SORCS3: variants seen among roughly 807,000 people sequenced by gnomAD.
SORCS3 encodes VPS10 domain-containing receptor SorCS3.
In SORCS3, 57 loss-of-function variants were observed where a neutral mutation model predicts 146.3. The ratio of observed to expected loss-of-function variants is 0.39; its 90% CI spans 0.31 to 0.49. SORCS3 has a LOEUF of 0.49. Among genes scored for constraint, SORCS3 ranks in the 20% least tolerant of loss-of-function variants. The probability of loss-of-function intolerance (pLI) is 0.92; values close to 1 mark genes in which losing one functional copy is unlikely to be tolerated. For synonymous variants in SORCS3, 653 were observed against 618.5 expected (o/e 1.06, Z -0.83); for missense variants, 1,341 against 1,575.5 (o/e 0.85, Z 2.52).
At chr10:104,965,777 C>T (rs1474832227) in intron 3 of SORCS3, among the ~76,000 whole-genome samples, 2 of 151,824 alleles carry the variant, frequency 1.3e-5, no homozygotes, top group Non-Finnish European at 2.9e-5. Context: ...GGATTGTTTT[C>T]TTGTTATTTT....
intron 5 of SORCS3, among the ~76,000 whole-genome samples, chr10:105,063,445 A>G (rs2055501147): frequency 6.6e-6 from 1 of 152,190 alleles, no homozygotes; most frequent in Non-Finnish European, 1.5e-5. Context: ...TGTTACTAAT[A>G]ATTATTTATT....
chr10:104,720,470 T>A (rs1187553678), intron 1 of SORCS3, among the ~76,000 whole-genome samples: 2 of 152,256 alleles, frequency 1.3e-5, no homozygotes, highest in East Asian at 3.8e-4. Context: ...AGCATGTTTA[T>A]AATCCTTTGG....
intron 1 of SORCS3, among the ~76,000 whole-genome samples, chr10:104,797,853 A>G (rs1360352673): frequency 6.6e-6 from 1 of 152,208 alleles, no homozygotes; most frequent in African/African-American, 2.4e-5. Flanking sequence ...GAAAAAAAGT[A>G]TCTTGGGTGC....
intron 2 of SORCS3, among the ~76,000 whole-genome samples, chr10:104,915,231 C>G (rs1432542399): frequency 6.6e-6 from 1 of 152,136 alleles, no homozygotes; most frequent in African/African-American, 2.4e-5. Flanking sequence ...GTGCCATAGG[C>G]TTTTCACCCT....
chr10:105,039,945 CA>C (rs1477076818), intron 4 of SORCS3, among the ~76,000 whole-genome samples: 9 of 152,088 alleles, frequency 5.9e-5, no homozygotes, highest in Admixed American at 5.9e-4. Context: ...GTGTTTGCAG[CA>C]GAGGAAGACA....
At chr10:105,078,528 A>G (rs573102962) in intron 5 of SORCS3, among the ~76,000 whole-genome samples, 6 of 152,198 alleles carry the variant, frequency 3.9e-5, no homozygotes, top group Non-Finnish European at 7.3e-5. Flanking sequence ...AAAAAAGAAA[A>G]AAAGATTATA....
chr10:105,158,212 CTCTT>C (rs893225950), intron 10 of SORCS3, among the ~76,000 whole-genome samples: 18 of 151,674 alleles, frequency 1.2e-4, no homozygotes, highest in African/African-American at 4.4e-4. Context: ...ATCTGATTTT[CTCTT>C]TCTTTCTATT....
intron 4 of SORCS3, among the ~76,000 whole-genome samples, chr10:105,033,893 C>T (rs1040410021): frequency 3.9e-5 from 6 of 151,946 alleles, no homozygotes; most frequent in East Asian, 1.9e-4. Context: ...TTTACAAATT[C>T]GGAAAAGGAA....
chr10:105,024,496 G>A (rs886914125), intron 4 of SORCS3, among the ~76,000 whole-genome samples: 3 of 152,140 alleles, frequency 2.0e-5, no homozygotes, highest in Non-Finnish European at 2.9e-5. Context: ...GATTTCATGG[G>A]AACCCACAGC....
chr10:104,646,848 C>T (rs552650405), intron 1 of SORCS3, among the ~76,000 whole-genome samples: 5 of 152,096 alleles, frequency 3.3e-5, no homozygotes, highest in South Asian at 2.1e-4. Flanking sequence ...TGGGATGGAT[C>T]GAATTTGGCT....
chr10:105,031,351 ACACACACACAC>A (rs2055266370), intron 4 of SORCS3, among the ~76,000 whole-genome samples: 1 of 151,798 alleles, frequency 6.6e-6, no homozygotes, highest in African/African-American at 2.4e-5. Flanking sequence ...ACACACACAC[ACACACACACAC>A]AAAAACATGT....
At chr10:104,961,270 G>T (rs1484435430) in intron 3 of SORCS3, among the ~76,000 whole-genome samples, 1 of 152,076 alleles carries the variant, frequency 6.6e-6, no homozygotes, top group African/African-American at 2.4e-5. Context: ...AAACACACCT[G>T]GTTATGTATC....
intron 4 of SORCS3, among the ~76,000 whole-genome samples, chr10:104,983,639 A>T (rs1282420469): frequency 6.6e-6 from 1 of 152,000 alleles, no homozygotes; most frequent in Non-Finnish European, 1.5e-5. Context: ...CCTTGTCTTT[A>T]TGTACGTGCT....
At position 105,158,974 on chromosome 10, in the gene SORCS3, C is replaced by T. The variant is rs1282124453; in HGVS notation, c.1712C>T (p.Pro571Leu). 2 of 1,612,292 alleles carry T rather than the reference C, an allele frequency of 1.2e-6. No homozygotes were observed. The highest frequency in any genetic ancestry group is 1.3e-5 in the African/African-American group (1 of 74,882). The part of the protein sequence containing the change: ...SGRISSKETA[P>L]GLVVATGNIG... ...AGAATCTCTAGCAAGGAGACAGCCCCAGGACTTGTGGTGGCTACAGGTAAG... is the reference window on the plus strand; with the variant it reads ...AGAATCTCTAGCAAGGAGACAGCCCTAGGACTTGTGGTGGCTACAGGTAAG... The change falls in exon 11 of 27, where the codon CCA (proline) becomes CTA (leucine). Residue 571 changes from proline to leucine, a missense_variant. Transcript: ENST00000369701.
intron 22 of SORCS3, among the ~76,000 whole-genome samples, chr10:105,248,800 C>A (rs902643480): frequency 6.6e-6 from 1 of 151,504 alleles, no homozygotes; most frequent in South Asian, 2.1e-4. Flanking sequence ...AGGGCAAGTG[C>A]AGCTAAAATT....
At chr10:104,697,249 ATCCGTGATACCAT>A (rs1237158886) in intron 1 of SORCS3, among the ~76,000 whole-genome samples, 1 of 152,186 alleles carries the variant, frequency 6.6e-6, no homozygotes, top group Non-Finnish European at 1.5e-5. Flanking sequence ...TTGTTCACAC[ATCCGTGATACCAT>A]TTAAACATAT....
At chr10:105,015,128 C>T (rs1447644365) in intron 4 of SORCS3, among the ~76,000 whole-genome samples, 2 of 152,166 alleles carry the variant, frequency 1.3e-5, no homozygotes, top group African/African-American at 2.4e-5. Context: ...ATTGTAATTT[C>T]AGTATGGGTG....
intron 7 of SORCS3, among the ~76,000 whole-genome samples, chr10:105,115,526 C>G (rs2055887733): frequency 6.6e-6 from 1 of 152,238 alleles, no homozygotes; most frequent in South Asian, 2.1e-4. Flanking sequence ...ATGATAAAAG[C>G]TTCCCACATA....
At chr10:105,197,543 T>G (rs1192888893) in intron 14 of SORCS3, among the ~76,000 whole-genome samples, 1 of 152,188 alleles carries the variant, frequency 6.6e-6, no homozygotes, top group Non-Finnish European at 1.5e-5. Flanking sequence ...AACAGGTTAT[T>G]GCCTCTTTGG....
Sources: gnomAD v4.1 joint callset for allele counts (sites outside exome capture counted in the v4.1 genomes callset) on GRCh38, gnomAD v4.1.1 for gene constraint, MANE v1.5 for transcripts, NCBI Gene and HGNC (gene_info 2026-07-23, HGNC 2026-07-21) for gene names.